Variants in ARHGEF7 observed in about 807,000 individuals in gnomAD.
The protein encoded by ARHGEF7 is Rho guanine nucleotide exchange factor 7, also known as PAK-interacting exchange factor beta.
In ARHGEF7, 33 loss-of-function variants were observed where a neutral mutation model predicts 109.8. The ratio of observed to expected loss-of-function variants is 0.30; its 90% CI spans 0.23 to 0.40. The LOEUF is 0.40. Among genes scored for constraint, ARHGEF7 ranks in the 10% least tolerant of loss-of-function variants. The pLI, the probability that ARHGEF7 is intolerant of heterozygous loss-of-function variation, is 1.00. For synonymous variants in ARHGEF7, 458 were observed against 424.6 expected, an observed-to-expected ratio of 1.08 and a Z score of -0.97; for missense variants, 938 against 1,098.5, an observed-to-expected ratio of 0.85 and a Z score of 2.07.
intron 2 of ARHGEF7, among the ~76,000 whole-genome samples, chr13:111,176,768 AT>A (rs1338009685): frequency 6.6e-6 from 1 of 151,702 alleles, no homozygotes; most frequent in Non-Finnish European, 1.5e-5. Context: ...TTATTTATTT[AT>A]TTTTTTAGAT....
rs1451520314 is a variant in ARHGEF7, at chr13:111,303,904, T to C, written c.*791T>C. ...CGTTTTGGGAGGACACAGACGGTTC[T>C]GTATAGGCTAGTTCAGTAACAACAA... On this transcript the variant is annotated 3_prime_UTR_variant, in exon 22 of 22. Transcript: ENST00000646102. The C allele has an allele frequency of 1.3e-5, 2 of 152,268 alleles. No individual in the cohort carries two copies. The highest frequency in any genetic ancestry group is 2.4e-5 in the African/African-American group (1 of 41,466). The allele number at this position is 152,268 out of a possible 1,614,324, so 9.4% of individuals were successfully genotyped here.
At chr13:111,290,848 G>A (rs1214595510) in intron 18 of ARHGEF7, among the ~76,000 whole-genome samples, 1 of 152,214 alleles carries the variant, frequency 6.6e-6, no homozygotes, top group African/African-American at 2.4e-5. Context: ...AGGAGAAATT[G>A]CTCGCTTGTG....
At chr13:111,277,995 A>G (rs748619672) in intron 13 of ARHGEF7, among the ~76,000 whole-genome samples, 10 of 152,212 alleles carry the variant, frequency 6.6e-5, no homozygotes, top group Non-Finnish European at 1.2e-4. Flanking sequence ...CTATGGTTTT[A>G]TTCTGTGAAA....
intron 16 of ARHGEF7, 137 bp downstream of exon 16, chr13:111,283,500 T>C: frequency 1.4e-6 from 2 of 1,389,882 alleles, no homozygotes; most frequent in Non-Finnish European, 1.9e-6. Flanking sequence ...GGGGTCTGCC[T>C]TGGTTCTCTG....
chr13:111,164,861 TTAAGA>T (rs2077004907), intron 2 of ARHGEF7, among the ~76,000 whole-genome samples: 1 of 152,142 alleles, frequency 6.6e-6, no homozygotes, highest in Non-Finnish European at 1.5e-5. Flanking sequence ...TGATAGGAAG[TTAAGA>T]TAATTTGTTG....
In ARHGEF7 at chr13:111,222,550, C is replaced by T. The variant is rs373934465; in HGVS notation, c.670+4670C>T. 1.4e-4 allele frequency among the ~76,000 whole-genome samples: 22 copies of T among 152,334 alleles called. No homozygotes were observed. In the East Asian group the frequency reaches 3.5e-3, roughly 24 times the overall value. ...GTTCAAGCGATTCTCCTGCCCCAGC[C>T]TCCCGAGTAGCTGGGATTATAGGCA... On this transcript the variant is annotated intron_variant, in intron 5 of 21. Transcript: ENST00000646102.
At chr13:111,122,936 C>T (rs1301260689) in intron 1 of ARHGEF7, among the ~76,000 whole-genome samples, 2 of 152,194 alleles carry the variant, frequency 1.3e-5, no homozygotes, top group African/African-American at 4.8e-5. Flanking sequence ...GCTCCAAGGC[C>T]TGTGCTGGGA....
At chr13:111,221,348 T>G (rs796195307) in intron 5 of ARHGEF7, among the ~76,000 whole-genome samples, 122 of 11,798 alleles carry the variant, frequency 0.01, 21 homozygotes, top group East Asian at 0.038. Context: ...TATCTATATA[T>G]ATGTCTATAT....
intron 2 of ARHGEF7, among the ~76,000 whole-genome samples, chr13:111,184,319 G>A (rs1368476308): frequency 2.0e-5 from 3 of 152,156 alleles, no homozygotes; most frequent in Admixed American, 6.5e-5. Context: ...TTTCTTCATA[G>A]CAGCGTGAGA....
chr13:111,192,708 A>G (rs1332239037), intron 2 of ARHGEF7, among the ~76,000 whole-genome samples: 1 of 152,154 alleles, frequency 6.6e-6, no homozygotes, highest in Non-Finnish European at 1.5e-5. Context: ...TTGTATCCCT[A>G]GCGCCCTGGA....
intron 19 of ARHGEF7, among the ~76,000 whole-genome samples, chr13:111,297,517 C>G (rs1380676011): frequency 6.6e-6 from 1 of 152,230 alleles, no homozygotes; most frequent in Non-Finnish European, 1.5e-5. Flanking sequence ...AATGGAATGA[C>G]TTTTACCTTT....
intron 2 of ARHGEF7, among the ~76,000 whole-genome samples, chr13:111,194,015 C>T (rs531487461): frequency 4.6e-4 from 70 of 152,306 alleles, no homozygotes; most frequent in Middle Eastern, 3.4e-3. Context: ...ATGCCATTTA[C>T]ATCATGAGTA....
chr13:111,290,858 GC>G (rs1234864400), intron 18 of ARHGEF7, among the ~76,000 whole-genome samples: 1 of 152,210 alleles, frequency 6.6e-6, no homozygotes, highest in Non-Finnish European at 1.5e-5. Flanking sequence ...GCTCGCTTGT[GC>G]TGGAAAGGTG....
intron 2 of ARHGEF7, among the ~76,000 whole-genome samples, chr13:111,162,607 G>T (rs778218286): frequency 6.6e-6 from 1 of 152,176 alleles, no homozygotes; most frequent in African/African-American, 2.4e-5. Flanking sequence ...ATCGTAAGGA[G>T]CTGGGATAAT....
chr13:111,117,390 A>T (rs2066867587), intron 1 of ARHGEF7, among the ~76,000 whole-genome samples: 2 of 152,216 alleles, frequency 1.3e-5, no homozygotes, highest in Non-Finnish European at 2.9e-5. Flanking sequence ...GAAACAACTC[A>T]ACATATTCTA....
At chr13:111,280,229 A>G (rs1373695239) in intron 13 of ARHGEF7, 43 bp from the exon 14 acceptor site, 1 of 1,545,394 alleles carries the variant, frequency 6.5e-7, no homozygotes, top group Non-Finnish European at 8.8e-7. Context: ...TTTCTAGAAA[A>G]GCACTAATTG....
Position 111,273,518 on chromosome 13 carries a change from C to G in ARHGEF7, c.1074-296C>G, listed in dbSNP as rs564305627. The stretch of plus-strand genomic sequence containing the variant: ...GTTTCCATTGGATATGTCTGCATGG[C>G]ACTGATGTGCTGGAGGACCTCGCCA... On this transcript the variant is annotated intron_variant, in intron 9 of 21. Transcript: ENST00000646102. The surrounding 1 kb of genome is among the most constrained non-coding windows in gnomAD (Gnocchi z 4.5). Among the ~76,000 whole-genome samples, 3 of 152,228 alleles carry G rather than the reference C, an allele frequency of 2.0e-5. No individual in the cohort carries two copies. Among genetic ancestry groups the G allele is most frequent in the Non-Finnish European group, 2.9e-5 (2 of 68,036 alleles).
At chr13:111,214,445 C>G (rs2082872808) in intron 4 of ARHGEF7, among the ~76,000 whole-genome samples, 1 of 152,240 alleles carries the variant, frequency 6.6e-6, no homozygotes, top group Non-Finnish European at 1.5e-5. Flanking sequence ...GGTGCATGCA[C>G]TGTGAGCCTG....
chr13:111,258,317 A>C lies in ARHGEF7; in HGVS notation c.951-9231A>C, dbSNP rs569856165. Among the ~76,000 whole-genome samples, 86 of 152,376 alleles carry C rather than the reference A, an allele frequency of 5.6e-4. No individual in the cohort carries two copies. The Middle Eastern group carries it at 0.01, about 18-fold the overall frequency. ...TGAGACTCCTCCCACAACCACAGGC[A>C]GTGCAGCCTGCACCTCCAGGAGAGA... On this transcript the variant is annotated intron_variant, in intron 8 of 21. Transcript: ENST00000646102. The surrounding 1 kb of genome is among the most constrained non-coding windows in gnomAD (Gnocchi z 4.4).
Sources: allele counts gnomAD v4.1 joint callset (sites outside exome capture counted in the v4.1 genomes callset), GRCh38; gene constraint gnomAD v4.1.1; non-coding constraint Gnocchi (gnomAD v3.1); transcripts MANE v1.5; gene names NCBI Gene and HGNC (gene_info 2026-07-23, HGNC 2026-07-21).